The following ERBB4 variants were observed in gnomAD, a reference collection of about 807,000 sequenced individuals.
ERBB4 encodes receptor tyrosine-protein kinase erbB-4.
Under a neutral mutation model 158.0 loss-of-function variants are expected in ERBB4, and 42 were observed. That is an observed-to-expected ratio of 0.27 (90% CI 0.21 to 0.34). The LOEUF (loss-of-function observed/expected upper bound fraction) is 0.34, where lower values mean the gene tolerates loss of function less well. Ranked by LOEUF, ERBB4 falls within the 10% of genes least tolerant of loss-of-function variation. ERBB4 has a pLI of 1.00. For missense variants in ERBB4, 1,333 were observed against 1,624.1 expected, an observed-to-expected ratio of 0.82 and a Z score of 3.08; for synonymous variants, 583 against 558.7, an observed-to-expected ratio of 1.04 and a Z score of -0.61.
chr2:212,283,453 T>G, intron 1 of ERBB4, among the ~76,000 whole-genome samples: 1 of 152,008 alleles, frequency 6.6e-6, no homozygotes, highest in Middle Eastern at 3.2e-3. Flanking sequence ...TTTGTTATAA[T>G]TAAAAGTTTA....
chr2:211,766,154 G>A (rs1476493783), intron 4 of ERBB4, among the ~76,000 whole-genome samples: 2 of 152,146 alleles, frequency 1.3e-5, no homozygotes, highest in Non-Finnish European at 2.9e-5. Context: ...TGTAGAAAGA[G>A]CACCTACAAT....
intron 1 of ERBB4, among the ~76,000 whole-genome samples, chr2:212,279,881 T>A (rs2085687896): frequency 6.6e-6 from 1 of 151,628 alleles, no homozygotes; most frequent in African/African-American, 2.4e-5. Flanking sequence ...AGTTGTTGCA[T>A]ATAGGCCAAA....
chr2:211,709,274 T>TACACATATATATATATATATATATAC (rs56023302), intron 9 of ERBB4, among the ~76,000 whole-genome samples: 1 of 136,558 alleles, frequency 7.3e-6, no homozygotes, highest in African/African-American at 2.9e-5. Context: ...TATATATATA[T>TACACATATATATATATATATATATAC]ACATACATAT....
chr2:211,787,976 C>T (rs745341166), intron 4 of ERBB4, 49 bp downstream of exon 4: 5 of 1,581,372 alleles, frequency 3.2e-6, no homozygotes, highest in Non-Finnish European at 3.5e-6. Flanking sequence ...CATTCATCGC[C>T]ACATAGGGTA....
intron 3 of ERBB4, among the ~76,000 whole-genome samples, chr2:211,927,428 G>GT (rs993284754): frequency 2.0e-5 from 3 of 152,058 alleles, no homozygotes; most frequent in Admixed American, 6.6e-5. Context: ...CAACGTTACA[G>GT]TTTTTTTAGG....
intron 25 of ERBB4, among the ~76,000 whole-genome samples, chr2:211,407,498 A>G (rs1219430904): frequency 6.6e-6 from 1 of 152,200 alleles, no homozygotes; most frequent in Non-Finnish European, 1.5e-5. Flanking sequence ...TTGTTGGAAA[A>G]AGCAAACTAA....
chr2:211,441,378 C>T lies in ERBB4; in HGVS notation c.2488-10278G>A, dbSNP rs189614575. Among the ~76,000 whole-genome samples, 3 of 152,156 alleles carry T rather than the reference C, an allele frequency of 2.0e-5. No individual in the cohort carries two copies. The East Asian group carries it at 5.8e-4, about 29-fold the overall frequency. ...AAATTGTCCTGGGAGAGTCTGCTGT[C>T]ACTACAGGCTTCAGGACACATGTGA... On this transcript the variant is annotated intron_variant, in intron 20 of 27. Transcript: ENST00000342788.
At chr2:211,858,171 G>C (rs2077919227) in intron 3 of ERBB4, among the ~76,000 whole-genome samples, 1 of 152,110 alleles carries the variant, frequency 6.6e-6, no homozygotes, top group African/African-American at 2.4e-5. Flanking sequence ...AGAAAGAGAT[G>C]GAGACAAGGA....
chr2:211,731,463 G>GAT (rs1228218355), intron 5 of ERBB4, among the ~76,000 whole-genome samples: 2 of 152,074 alleles, frequency 1.3e-5, no homozygotes, highest in Non-Finnish European at 2.9e-5. Context: ...TTAAAGTAGA[G>GAT]GTGATATGGG....
chr2:212,453,651 T>C (rs918417286), intron 1 of ERBB4, among the ~76,000 whole-genome samples: 8 of 152,210 alleles, frequency 5.3e-5, no homozygotes, highest in Non-Finnish European at 1.0e-4. Flanking sequence ...TGTTTCCATA[T>C]GATTATTACA....
rs1417826794 is a variant in ERBB4 at position 211,388,010 on chromosome 2, T to G, written c.3136-18A>C. 3 of 1,557,404 alleles carry G rather than the reference T, an allele frequency of 1.9e-6. No homozygotes were observed. On this transcript the variant is annotated intron_variant, in intron 25 of 27. Coordinates refer to ENST00000342788, the MANE Select transcript of ERBB4 (RefSeq NM_005235.3). Reference sequence around the variant, plus strand: ...ATTTCACTCTAATAGGAAAGAAAAATGGAATGATGGATATAATAAGAGGCA... The same window carrying G: ...ATTTCACTCTAATAGGAAAGAAAAAGGGAATGATGGATATAATAAGAGGCA...
chr2:211,392,803 G>A lies in ERBB4; in HGVS notation c.3136-4811C>T, dbSNP rs529062182. On this transcript the variant is annotated intron_variant, in intron 25 of 27. Transcript: ENST00000342788. ...CTGCCTCAGCCTCCCGAGTAGCTGGGATTGCAGGTGCCCACCACCACGCCT... is the reference window on the plus strand; with the variant it reads ...CTGCCTCAGCCTCCCGAGTAGCTGGAATTGCAGGTGCCCACCACCACGCCT... Among the ~76,000 whole-genome samples, 1,035 of 152,176 alleles carry A rather than the reference G, an allele frequency of 6.8e-3. 14 individuals are homozygous for A. Among genetic ancestry groups the A allele is most frequent in the South Asian group, 0.021 (102 of 4,814 alleles).
chr2:212,280,856 T>C (rs748830719), intron 1 of ERBB4, among the ~76,000 whole-genome samples: 4 of 151,672 alleles, frequency 2.6e-5, no homozygotes, highest in Non-Finnish European at 5.9e-5. Flanking sequence ...CTCAAAGCTC[T>C]CATTTTAGGA....
Position 212,116,654 on chromosome 2 carries a change from C to T in ERBB4, c.234+8098G>A, listed in dbSNP as rs564210422. ...TAGAGACAGGGTCTCACTATGTTAC[C>T]CAAACTTTTGGTCTCAAGCAATCCT... On this transcript the variant is annotated intron_variant, in intron 2 of 27. Transcript: ENST00000342788. Among the ~76,000 whole-genome samples the T allele has an allele frequency of 2.2e-4, 34 of 152,092 alleles. 1 individual carries two copies. In the South Asian group the frequency reaches 6.2e-3, roughly 28 times the overall value.
intron 1 of ERBB4, among the ~76,000 whole-genome samples, chr2:212,221,602 C>G (rs544780533): frequency 9.2e-5 from 14 of 151,666 alleles, no homozygotes; most frequent in African/African-American, 3.1e-4. Context: ...GGTCCTCCCC[C>G]TGTTGCCATG....
chr2:211,420,768 A>C (rs539305706), intron 24 of ERBB4, among the ~76,000 whole-genome samples, 157 bp from the exon 25 acceptor site: 1 of 152,196 alleles, frequency 6.6e-6, no homozygotes, highest in African/African-American at 2.4e-5. Flanking sequence ...CCGGCCATTA[A>C]GAAACCTATA....
At chr2:212,042,527 A>G (rs1340047478) in intron 2 of ERBB4, among the ~76,000 whole-genome samples, 4 of 152,070 alleles carry the variant, frequency 2.6e-5, no homozygotes, top group Non-Finnish European at 5.9e-5. Flanking sequence ...GCTTTCCGTT[A>G]TTATTTTTTC....
chr2:211,805,322 G>A (rs2076590329), intron 3 of ERBB4, among the ~76,000 whole-genome samples: 1 of 152,238 alleles, frequency 6.6e-6, no homozygotes, highest in Non-Finnish European at 1.5e-5. Context: ...GTATGGAGAA[G>A]AGTTGAGTGA....
rs186196760 is a variant in ERBB4 at position 212,364,277 on chromosome 2, C to A, written c.82+174172G>T. Among the ~76,000 whole-genome samples, 530 of 151,722 alleles carry A rather than the reference C, an allele frequency of 3.5e-3. 4 individuals are homozygous for A. The highest frequency in any genetic ancestry group is 0.012 in the African/African-American group (516 of 41,474). The stretch of plus-strand genomic sequence containing the variant: ...GTATTGCCAAAATTTTTACACTGTG[C>A]ATGCTTTGCTTTTCCAAGTTGTCCT... On this transcript the variant is annotated intron_variant, in intron 1 of 27. Transcript: ENST00000342788.
Sources: allele counts gnomAD v4.1 joint callset (sites outside exome capture counted in the v4.1 genomes callset), GRCh38; gene constraint gnomAD v4.1.1; transcripts MANE v1.5; gene names NCBI Gene and HGNC (gene_info 2026-07-23, HGNC 2026-07-21).